Variants in GNB4 observed in about 807,000 individuals in gnomAD.
GNB4 encodes the protein guanine nucleotide-binding protein subunit beta-4.
A neutral mutation model predicts 45.2 loss-of-function variants in GNB4; 28 were observed. That is an observed-to-expected ratio of 0.62 (90% CI 0.46 to 0.85). The LOEUF (loss-of-function observed/expected upper bound fraction) is 0.85, where lower values mean the gene tolerates loss of function less well. Ranked by LOEUF, GNB4 falls within the 40% of genes least tolerant of loss-of-function variation. The pLI is 0.00. For synonymous variants in GNB4, 132 were observed against 143.7 expected (o/e 0.92, Z 0.58); for missense variants, 321 against 425.4 (o/e 0.75, Z 2.16).
chr3:179,475,886 C>G, the GNB4 span, among the ~76,000 whole-genome samples: 1 of 152,308 alleles, frequency 6.6e-6, no homozygotes. Context: ...TGTTACTTGT[C>G]CCACCTCTTA....
At chr3:179,495,657 A>T in the GNB4 span, among the ~76,000 whole-genome samples, 1 of 151,714 alleles carries the variant, frequency 6.6e-6, no homozygotes, top group Non-Finnish European at 1.5e-5. Context: ...GAGGGAAGGA[A>T]GGAAGGAAGG....
intron 5 of GNB4, among the ~76,000 whole-genome samples, chr3:179,415,389 C>T (rs753601537): frequency 6.6e-6 from 1 of 152,112 alleles, no homozygotes; most frequent in African/African-American, 2.4e-5. Flanking sequence ...AGAATTTTCA[C>T]TTTTGTAATA....
At chr3:179,449,737 AATAGTCAGCAAGGT>A (rs1467829318) in intron 1 of GNB4, among the ~76,000 whole-genome samples, 2 of 152,280 alleles carry the variant, frequency 1.3e-5, no homozygotes, top group African/African-American at 4.8e-5. Context: ...CGCAGATTAA[AATAGTCAGCAAGGT>A]AAAGAAACTG....
At chr3:179,498,806 G>A in the GNB4 span, among the ~76,000 whole-genome samples, 1 of 131,308 alleles carries the variant, frequency 7.6e-6, no homozygotes, top group Non-Finnish European at 1.6e-5. Context: ...TGGTGTACAT[G>A]TGCAGAACGT....
chr3:179,496,470 C>T, the GNB4 span, among the ~76,000 whole-genome samples: 12 of 152,120 alleles, frequency 7.9e-5, no homozygotes, highest in African/African-American at 1.9e-4. Context: ...ACAAACAAGA[C>T]GGCAATAGTA....
intron 9 of GNB4, among the ~76,000 whole-genome samples, chr3:179,404,760 T>A (rs546812553): frequency 6.6e-6 from 1 of 152,154 alleles, no homozygotes; most frequent in Non-Finnish European, 1.5e-5. Context: ...TGTATTGTCA[T>A]CTTGTAGAAG....
At chr3:179,402,482 T>C (rs1207949884) in intron 9 of GNB4, among the ~76,000 whole-genome samples, 1 of 152,224 alleles carries the variant, frequency 6.6e-6, no homozygotes, top group East Asian at 1.9e-4. Flanking sequence ...ATGCAGTCTC[T>C]TGAAAGAGGT....
chr3:179,525,524 C>A, the GNB4 span, among the ~76,000 whole-genome samples: 2 of 149,542 alleles, frequency 1.3e-5, no homozygotes. Context: ...AGCAGGCAAC[C>A]CCGCAATTGA....
the GNB4 span, among the ~76,000 whole-genome samples, chr3:179,508,660 A>G: frequency 6.6e-6 from 1 of 152,084 alleles, no homozygotes; most frequent in South Asian, 2.1e-4. Flanking sequence ...ATTGAAATAC[A>G]TATTTTATTG....
the GNB4 span, among the ~76,000 whole-genome samples, chr3:179,478,553 T>C: frequency 6.6e-6 from 1 of 152,210 alleles, no homozygotes; most frequent in South Asian, 2.1e-4. Flanking sequence ...TGTTTTGTTT[T>C]GTTTTTTGCA....
chr3:179,527,503 T>C, the GNB4 span, among the ~76,000 whole-genome samples: 1 of 152,238 alleles, frequency 6.6e-6, no homozygotes, highest in East Asian at 1.9e-4. Flanking sequence ...CTAAATGTTT[T>C]ATATTCATTA....
chr3:179,415,038 T>C lies in GNB4; in HGVS notation c.277A>G (p.Ile93Val), dbSNP rs2108591226. 6.3e-7 allele frequency: 1 copy of C among 1,598,900 alleles called. No individual in the cohort carries two copies. The highest frequency in any genetic ancestry group is 8.6e-7 in the Non-Finnish European group (1 of 1,169,576). ...ATCACCCAGGAGGACCTCAAAGGAA[T>C]AGCATGCATCTGTAGGGCACACACC... is the stretch of plus-strand genomic sequence containing the variant. ...DSYTTNKMHAIPLRSSWVMTC... is the reference protein window; with the variant it reads ...DSYTTNKMHAVPLRSSWVMTC... Residue 93 changes from isoleucine to valine, a missense_variant, in exon 6 of 10, where the codon ATT becomes GTT. By Grantham distance (29) the Ile-to-Val change is conservative (BLOSUM62 3). Transcript: ENST00000232564.
At chr3:179,522,580 T>C in the GNB4 span, among the ~76,000 whole-genome samples, 1 of 152,124 alleles carries the variant, frequency 6.6e-6, no homozygotes, top group African/African-American at 2.4e-5. Context: ...TGCTGAGAGA[T>C]AGTGGAGCGG....
At chr3:179,422,811 G>A (rs1577032631) in intron 2 of GNB4, among the ~76,000 whole-genome samples, 1 of 151,774 alleles carries the variant, frequency 6.6e-6, no homozygotes, top group Non-Finnish European at 1.5e-5. Context: ...GATTTTTTTT[G>A]AGACAGAGTC....
At chr3:179,470,482 AAAG>A in the GNB4 span, among the ~76,000 whole-genome samples, 1 of 151,562 alleles carries the variant, frequency 6.6e-6, no homozygotes, top group Non-Finnish European at 1.5e-5. Flanking sequence ...AAATTAATTG[AAAG>A]AAGCTTTGAG....
chr3:179,467,578 T>C, the GNB4 span, among the ~76,000 whole-genome samples: 1 of 152,154 alleles, frequency 6.6e-6, no homozygotes. Flanking sequence ...GCACCTGCAT[T>C]TTTCATCTTG....
intron 1 of GNB4, chr3:179,437,751 C>T (rs1357007207): frequency 1.3e-5 from 2 of 152,034 alleles, no homozygotes; most frequent in African/African-American, 4.8e-5. Context: ...CTGTAATACA[C>T]ATGAGGAGGA....
the GNB4 span, among the ~76,000 whole-genome samples, chr3:179,478,013 C>A: frequency 6.6e-6 from 1 of 152,054 alleles, no homozygotes; most frequent in Non-Finnish European, 1.5e-5. Context: ...AAATATATTT[C>A]TTATAGTTCT....
At chr3:179,457,819 A>C in the GNB4 span, among the ~76,000 whole-genome samples, 2 of 151,958 alleles carry the variant, frequency 1.3e-5, no homozygotes, top group African/African-American at 4.8e-5. Context: ...CGGTTTTTAC[A>C]ATTTTCCTTT....
Sources: allele counts gnomAD v4.1 joint callset (sites outside exome capture counted in the v4.1 genomes callset), GRCh38; gene constraint gnomAD v4.1.1; transcripts MANE v1.5; gene names NCBI Gene and HGNC (gene_info 2026-07-23, HGNC 2026-07-21).